The following LOC122539214 variants were observed in gnomAD, a reference collection of about 807,000 sequenced individuals.
chr19:52,677,123 TTA>T, the LOC122539214 span, among the ~76,000 whole-genome samples: 2 of 34,216 alleles, frequency 5.8e-5, no homozygotes, highest in African/African-American at 3.0e-4. Flanking sequence ...GAATGATCAA[TTA>T]AAAAAAAAAA....
the LOC122539214 span, among the ~76,000 whole-genome samples, chr19:52,654,660 T>A: frequency 1.3e-5 from 2 of 152,066 alleles, no homozygotes; most frequent in South Asian, 4.2e-4. Context: ...GAGATTGCAG[T>A]GAACAGAGAT....
At chr19:52,687,616 G>GTATATATATATATAATGTATATATA in the LOC122539214 span, among the ~76,000 whole-genome samples, 9 of 15,824 alleles carry the variant, frequency 5.7e-4, 2 homozygotes, top group East Asian at 2.7e-3. Flanking sequence ...TATATAATGT[G>GTATATATATATATAATGTATATATA]TATATATATA....
chr19:52,687,875 T>G, the LOC122539214 span, among the ~76,000 whole-genome samples: 1 of 150,984 alleles, frequency 6.6e-6, no homozygotes, highest in Non-Finnish European at 1.5e-5. Context: ...AGAAAGTGAT[T>G]TTTGTTGCAC....
the LOC122539214 span, among the ~76,000 whole-genome samples, chr19:52,685,215 C>T: frequency 6.6e-6 from 1 of 152,124 alleles, no homozygotes; most frequent in South Asian, 2.1e-4. Context: ...GTGAGCTTTT[C>T]TGGTCTAGCC....
At chr19:52,662,571 A>AT in the LOC122539214 span, among the ~76,000 whole-genome samples, 1 of 152,132 alleles carries the variant, frequency 6.6e-6, no homozygotes, top group South Asian at 2.1e-4. Context: ...TGTTTTTTAT[A>AT]TTTTTGGAGA....
chr19:52,657,186 T>A, the LOC122539214 span, among the ~76,000 whole-genome samples: 1 of 151,742 alleles, frequency 6.6e-6, no homozygotes, highest in African/African-American at 2.4e-5. Context: ...ATGCAATGCA[T>A]GAAGAAAATG....
the LOC122539214 span, among the ~76,000 whole-genome samples, chr19:52,674,621 A>G: frequency 2.6e-5 from 4 of 152,346 alleles, no homozygotes; most frequent in South Asian, 2.1e-4. Context: ...TTTCCATGCA[A>G]TAACAGTAAA....
the LOC122539214 span, among the ~76,000 whole-genome samples, chr19:52,656,204 C>T: frequency 9.9e-6 from 1 of 100,564 alleles, no homozygotes. Flanking sequence ...CAGAGTGAGA[C>T]TCCGTCTCTC....
the LOC122539214 span, among the ~76,000 whole-genome samples, chr19:52,655,951 C>G: frequency 6.6e-6 from 1 of 152,082 alleles, no homozygotes; most frequent in Non-Finnish European, 1.5e-5. Context: ...TGGCTCACAC[C>G]TGAAATCCCA....
chr19:52,656,180 T>A, the LOC122539214 span, among the ~76,000 whole-genome samples: 2 of 151,546 alleles, frequency 1.3e-5, no homozygotes, highest in Non-Finnish European at 2.9e-5. Flanking sequence ...GCCACTGCAA[T>A]TCAGCTTGGG....
chr19:52,684,489 C>T, the LOC122539214 span, among the ~76,000 whole-genome samples: 46 of 148,296 alleles, frequency 3.1e-4, no homozygotes, highest in African/African-American at 1.1e-3. Flanking sequence ...ACAGAGATTG[C>T]AGTGAGCCAA....
chr19:52,676,374 C>T, the LOC122539214 span, among the ~76,000 whole-genome samples: 977 of 152,172 alleles, frequency 6.4e-3, 6 homozygotes, highest in African/African-American at 0.022. Flanking sequence ...CCCAAAGTGC[C>T]GAGATTGCAG....
the LOC122539214 span, among the ~76,000 whole-genome samples, chr19:52,677,788 CTT>C: frequency 6.6e-5 from 10 of 152,182 alleles, no homozygotes; most frequent in East Asian, 5.8e-4. Context: ...AGTCCCAACA[CTT>C]TGGGAAGTGG....
At chr19:52,652,588 T>C in the LOC122539214 span, 1 of 435,390 alleles carries the variant, frequency 2.3e-6, no homozygotes, top group South Asian at 1.8e-5. Flanking sequence ...AGTTCACTGA[T>C]GAACTGCAAG....
At chr19:52,674,729 C>G in the LOC122539214 span, among the ~76,000 whole-genome samples, 2 of 152,104 alleles carry the variant, frequency 1.3e-5, no homozygotes, top group African/African-American at 4.8e-5. Flanking sequence ...AAGTTTCTAC[C>G]TTGAAATCTA....
the LOC122539214 span, among the ~76,000 whole-genome samples, chr19:52,666,964 C>T: frequency 3.3e-5 from 5 of 152,276 alleles, no homozygotes; most frequent in East Asian, 9.7e-4. Context: ...AAGCTGTTTG[C>T]ACTCAGCCAA....
chr19:52,656,228 A>C, the LOC122539214 span, among the ~76,000 whole-genome samples: 15,843 of 93,738 alleles, frequency 0.17, 856 homozygotes, highest in Non-Finnish European at 0.21. Flanking sequence ...CTCTCTCTCT[A>C]TATATATATA....
the LOC122539214 span, chr19:52,654,328 G>A: frequency 2.8e-6 from 4 of 1,422,242 alleles, no homozygotes; most frequent in Non-Finnish European, 3.9e-6. Flanking sequence ...TCTTTGCAAT[G>A]TCCCTGTGTG....
the LOC122539214 span, among the ~76,000 whole-genome samples, chr19:52,658,247 C>T: frequency 6.6e-6 from 1 of 151,976 alleles, no homozygotes; most frequent in Non-Finnish European, 1.5e-5. Flanking sequence ...CACCATCCTA[C>T]ACATTATGAA....
Sources: allele counts gnomAD v4.1 joint callset (sites outside exome capture counted in the v4.1 genomes callset), GRCh38; gene constraint gnomAD v4.1.1; transcripts MANE v1.5.